TBL1XR1: variants seen among roughly 807,000 people sequenced by gnomAD.
TBL1XR1 encodes TBL1X/Y related 1.
TBL1XR1 carries 5 observed loss-of-function variants against 66.9 expected under a neutral mutation model. That is an observed-to-expected ratio of 0.07 (90% CI 0.04 to 0.16). The LOEUF (loss-of-function observed/expected upper bound fraction) is 0.16, where lower values mean the gene tolerates loss of function less well. TBL1XR1 is among the 10% of genes least tolerant of loss of function. The pLI is 1.00. For synonymous variants in TBL1XR1, 210 were observed against 206.0 expected, an observed-to-expected ratio of 1.02 and a Z score of -0.17; for missense variants, 238 against 623.2, an observed-to-expected ratio of 0.38 and a Z score of 6.58.
In TBL1XR1 at chr3:177,177,945, G is replaced by C. The variant is rs113678403; in HGVS notation, c.-122+19176C>G. Among the ~76,000 whole-genome samples the C allele has an allele frequency of 5.7e-4, 86 of 152,202 alleles. 1 individual carries two copies. Among genetic ancestry groups the C allele is most frequent in the Admixed American group, 2.7e-3 (42 of 15,280 alleles). On this transcript the variant is annotated intron_variant, in intron 1 of 15. Transcript: ENST00000457928. The stretch of plus-strand genomic sequence containing the variant: ...GCAACGTGGAGAATAAGGGTCTGAT[G>C]GCTGAAAACTGCCGCGGGTGGGCAG...
chr3:177,125,965 T>C (rs957782738), intron 1 of TBL1XR1: 1 of 152,188 alleles, frequency 6.6e-6, no homozygotes, highest in Non-Finnish European at 1.5e-5. Context: ...AGTAGGTGTA[T>C]ATATTTATGA....
chr3:177,031,346 T>A (rs185310344), intron 14 of TBL1XR1, among the ~76,000 whole-genome samples: 225 of 151,718 alleles, frequency 1.5e-3, no homozygotes, highest in African/African-American at 5.0e-3. Context: ...TTTTATTTTT[T>A]TTTTTTGAGA....
Position 177,020,383 on chromosome 3 carries a change from AAT to A in TBL1XR1, c.*5113_*5114del, listed in dbSNP as rs1712195500. On this transcript the variant is annotated 3_prime_UTR_variant, in exon 16 of 16. Coordinates refer to ENST00000457928, the MANE Select transcript of TBL1XR1 (RefSeq NM_024665.7). The stretch of plus-strand genomic sequence containing the variant: ...CTATTATACTTTAATAAAAATAGTA[AAT>A]AACCCCTTCATTTAAAAAAATCTTA... The A allele has an allele frequency of 6.6e-6, 1 of 152,178 alleles. No homozygotes were observed. The highest frequency in any genetic ancestry group is 1.5e-5 in the Non-Finnish European group (1 of 68,002). 9.4% of individuals were successfully genotyped at this position (152,178 alleles called of 1,614,324 possible). A position where few individuals can be genotyped will look rare whatever the true frequency, so the allele number is the denominator to read the frequency against.
intron 1 of TBL1XR1, among the ~76,000 whole-genome samples, chr3:177,106,613 CT>C (rs563692839): frequency 6.4e-4 from 97 of 152,304 alleles, no homozygotes; most frequent in Non-Finnish European, 9.8e-4. Context: ...GCTTTTTCAT[CT>C]GTAAAATAAG....
intron 4 of TBL1XR1, among the ~76,000 whole-genome samples, chr3:177,052,504 G>A (rs978230185): frequency 1.3e-5 from 2 of 152,174 alleles, no homozygotes; most frequent in African/African-American, 4.8e-5. Flanking sequence ...TTCAGGAACA[G>A]GAGAAAGTAT....
Position 177,117,712 on chromosome 3 carries a change from ATCT to A in TBL1XR1, c.-121-19174_-121-19172del, listed in dbSNP as rs1265690443. Among the ~76,000 whole-genome samples, 4 of 152,324 alleles carry A rather than the reference ATCT, an allele frequency of 2.6e-5. 1 individual carries two copies. The South Asian group carries it at 8.3e-4, about 32-fold the overall frequency. On this transcript the variant is annotated intron_variant, in intron 1 of 15. Coordinates refer to ENST00000457928, the MANE Select transcript of TBL1XR1 (RefSeq NM_024665.7). ...TCAAATTCCACTAGTACAGTGACTAATCTTCTAATTTGAAAGAATTCAACAAAT... is the reference window on the plus strand; with the variant it reads ...TCAAATTCCACTAGTACAGTGACTAATCTAATTTGAAAGAATTCAACAAAT...
intron 1 of TBL1XR1, among the ~76,000 whole-genome samples, chr3:177,164,672 A>G (rs929720315): frequency 3.9e-5 from 6 of 152,210 alleles, no homozygotes; most frequent in East Asian, 1.9e-4. Flanking sequence ...TGAAGAAACA[A>G]ATTGAAAAAG....
At chr3:177,054,325 T>A (rs1469772937) in intron 3 of TBL1XR1, among the ~76,000 whole-genome samples, 2 of 152,162 alleles carry the variant, frequency 1.3e-5, no homozygotes, top group Non-Finnish European at 2.9e-5. Context: ...TATTTCTGTA[T>A]TATATTTTAA....
At chr3:177,141,494 TATTA>T (rs1207911101) in intron 1 of TBL1XR1, among the ~76,000 whole-genome samples, 1 of 152,172 alleles carries the variant, frequency 6.6e-6, no homozygotes, top group African/African-American at 2.4e-5. Flanking sequence ...ATATAAATCG[TATTA>T]AATATTTTTC....
At chr3:177,030,744 T>C (rs1713867584) in intron 14 of TBL1XR1, among the ~76,000 whole-genome samples, 1 of 152,246 alleles carries the variant, frequency 6.6e-6, no homozygotes, top group Non-Finnish European at 1.5e-5. Context: ...AACTTGAATA[T>C]ACATGGAAAT....
chr3:177,044,043 C>A (rs1417618875), intron 10 of TBL1XR1, among the ~76,000 whole-genome samples: 1 of 152,168 alleles, frequency 6.6e-6, no homozygotes, highest in African/African-American at 2.4e-5. Flanking sequence ...TCTGTCACCA[C>A]ACCCTCTTTT....
chr3:177,077,277 GTAT>G (rs1347955006), intron 2 of TBL1XR1, among the ~76,000 whole-genome samples: 1 of 152,056 alleles, frequency 6.6e-6, no homozygotes, highest in Non-Finnish European at 1.5e-5. Context: ...AGTTTTATTA[GTAT>G]TATTAACTTG....
At chr3:177,028,725 GCT>G (rs1390010291) in intron 14 of TBL1XR1, among the ~76,000 whole-genome samples, 17 of 152,130 alleles carry the variant, frequency 1.1e-4, no homozygotes, top group African/African-American at 3.6e-4. Context: ...AAAATTGTGT[GCT>G]CTGTTTTGGA....
intron 1 of TBL1XR1, among the ~76,000 whole-genome samples, chr3:177,129,960 C>T (rs1728086063): frequency 2.6e-5 from 4 of 151,994 alleles, no homozygotes; most frequent in Admixed American, 2.0e-4. Flanking sequence ...GCCTGGCCAA[C>T]ACGCCAAACC....
At chr3:177,154,024 C>T (rs565480771) in intron 1 of TBL1XR1, among the ~76,000 whole-genome samples, 16 of 149,484 alleles carry the variant, frequency 1.1e-4, no homozygotes, top group Admixed American at 1.1e-3. Flanking sequence ...ACAGATAAGA[C>T]AAAAAACAAA....
chr3:177,082,848 C>T (rs1430739952), intron 2 of TBL1XR1, among the ~76,000 whole-genome samples: 1 of 147,166 alleles, frequency 6.8e-6, no homozygotes, highest in Non-Finnish European at 1.5e-5. Flanking sequence ...CTCCACCTCC[C>T]AGGTTCACGC....
intron 1 of TBL1XR1, among the ~76,000 whole-genome samples, chr3:177,141,526 C>A (rs1024563115): frequency 1.3e-5 from 2 of 152,110 alleles, no homozygotes; most frequent in African/African-American, 4.8e-5. Flanking sequence ...TTTATATGCA[C>A]CTGAAAGTGC....
At chr3:177,136,306 C>G (rs1245575971) in intron 1 of TBL1XR1, 1 of 151,426 alleles carries the variant, frequency 6.6e-6, no homozygotes, top group Admixed American at 6.6e-5. Flanking sequence ...TTTTTTTCCT[C>G]TTATTGCCCA....
intron 1 of TBL1XR1, among the ~76,000 whole-genome samples, chr3:177,137,635 C>A (rs996118317): frequency 6.6e-6 from 1 of 152,064 alleles, no homozygotes; most frequent in Admixed American, 6.5e-5. Flanking sequence ...CTCCTCCTTC[C>A]CAAGGCCCCA....
Sources: allele counts gnomAD v4.1 joint callset (sites outside exome capture counted in the v4.1 genomes callset), GRCh38; gene constraint gnomAD v4.1.1; transcripts MANE v1.5; gene names NCBI Gene and HGNC (gene_info 2026-07-23, HGNC 2026-07-21).